The following SYNE1 variants were observed in gnomAD, a reference collection of about 807,000 sequenced individuals.
The protein encoded by SYNE1 is nesprin-1.
SYNE1 carries 616 observed loss-of-function variants against 1,111.0 expected under a neutral mutation model. The ratio of observed to expected loss-of-function variants is 0.55; its 90% CI spans 0.52 to 0.59. The LOEUF is 0.59. Among genes scored for constraint, SYNE1 ranks in the 20% least tolerant of loss-of-function variants. The pLI, the probability that SYNE1 is intolerant of heterozygous loss-of-function variation, is 0.00. For missense variants in SYNE1, 10,006 were observed against 10,417.0 expected (o/e 0.96, Z 1.72); for synonymous variants, 3,855 against 3,825.8 (o/e 1.01, Z -0.28).
intron 93 of SYNE1, among the ~76,000 whole-genome samples, chr6:152,298,990 G>C (rs1048910523): frequency 6.6e-6 from 1 of 152,194 alleles, no homozygotes; most frequent in African/African-American, 2.4e-5. Context: ...GTGACTAGGG[G>C]AGAGGGGAAG....
chr6:152,457,893 A>G (rs1165462627), intron 22 of SYNE1, among the ~76,000 whole-genome samples: 1 of 151,346 alleles, frequency 6.6e-6, no homozygotes, highest in Non-Finnish European at 1.5e-5. Flanking sequence ...AAGAAAGTCA[A>G]TATAAGAAGG....
At chr6:152,547,549 T>C (rs1202949347) in intron 3 of SYNE1, among the ~76,000 whole-genome samples, 1 of 152,190 alleles carries the variant, frequency 6.6e-6, no homozygotes, top group Non-Finnish European at 1.5e-5. Flanking sequence ...AGAAATGAGC[T>C]GTTTCATTTG....
chr6:152,153,277 G>A (rs1236997376), intron 133 of SYNE1, among the ~76,000 whole-genome samples: 1 of 152,166 alleles, frequency 6.6e-6, no homozygotes, highest in Non-Finnish European at 1.5e-5. Flanking sequence ...CTCTGGCCAT[G>A]ACTGGAAGTC....
Position 152,122,229 on chromosome 6 carries a change from C to T in SYNE1, c.*207G>A, listed in dbSNP as rs1053727948. The T allele has an allele frequency of 1.3e-6, 1 of 753,118 alleles. No homozygotes were observed. Among genetic ancestry groups the T allele is most frequent in the Non-Finnish European group, 2.1e-6 (1 of 466,948 alleles). The allele number at this position is 753,118 out of a possible 1,614,324, so 46.7% of individuals were successfully genotyped here. ...AGTCTCAAACCAGATTTCTTCCAAA[C>T]CTTCTTGTTGTCTGTTTGTTCCCCC... On this transcript the variant is annotated 3_prime_UTR_variant, in exon 146 of 146. Transcript: ENST00000367255.
Position 152,459,495 on chromosome 6 carries a change from G to A in SYNE1, c.2395-565C>T, listed in dbSNP as rs192651362. On this transcript the variant is annotated intron_variant, in intron 21 of 145. Transcript: ENST00000367255. ...CTGCTTATCAACATCCTACTCATCC[G>A]AAGCACTAAAGTCACACCAATTTAT... Among the ~76,000 whole-genome samples the A allele has an allele frequency of 1.3e-3, 198 of 152,258 alleles. 1 individual carries two copies. The highest frequency in any genetic ancestry group is 4.3e-3 in the African/African-American group (177 of 41,548).
chr6:152,131,554 T>G (rs1386741628), intron 144 of SYNE1, among the ~76,000 whole-genome samples: 1 of 152,146 alleles, frequency 6.6e-6, no homozygotes, highest in Non-Finnish European at 1.5e-5. Context: ...AATTTGTCCT[T>G]TCATCCTCTT....
chr6:152,283,051 G>T (rs1009094422), intron 96 of SYNE1, among the ~76,000 whole-genome samples: 3 of 152,082 alleles, frequency 2.0e-5, no homozygotes, highest in Non-Finnish European at 4.4e-5. Flanking sequence ...TACTGTAAAG[G>T]TCTTTAGGGA....
chr6:152,212,132 A>G (rs1319076918), intron 123 of SYNE1, among the ~76,000 whole-genome samples: 1 of 152,158 alleles, frequency 6.6e-6, no homozygotes, highest in African/African-American at 2.4e-5. Context: ...TTGAGTAACA[A>G]TTCACATACC....
intron 6 of SYNE1, chr6:152,511,586 C>G: frequency 3.7e-6 from 6 of 1,612,414 alleles, no homozygotes; most frequent in Non-Finnish European, 5.1e-6. Flanking sequence ...ATCCTCTGTG[C>G]ATGGACTGAC....
intron 118 of SYNE1, 78 bp from the exon 119 acceptor site, chr6:152,221,124 G>T: frequency 7.0e-7 from 1 of 1,429,232 alleles, no homozygotes. Context: ...TATTTTTCAT[G>T]ATCCTGGTTC....
At chr6:152,295,610 T>TGTCAG (rs2094833523) in intron 93 of SYNE1, among the ~76,000 whole-genome samples, 1 of 150,396 alleles carries the variant, frequency 6.6e-6, no homozygotes, top group Admixed American at 6.6e-5. Context: ...TGTGTGTGTG[T>TGTCAG]TACTGACACA....
intron 135 of SYNE1, among the ~76,000 whole-genome samples, chr6:152,150,180 A>G (rs1168363743): frequency 2.6e-5 from 4 of 152,216 alleles, no homozygotes; most frequent in African/African-American, 7.2e-5. Context: ...TAGGCAGGTA[A>G]AGTTATGATT....
chr6:152,294,270 CT>C (rs1330492869), intron 93 of SYNE1, 143 bp from the exon 94 acceptor site: 1 of 808,610 alleles, frequency 1.2e-6, no homozygotes, highest in East Asian at 2.7e-5. Flanking sequence ...TTAGTAAACT[CT>C]TGTGACAAGA....
intron 8 of SYNE1, among the ~76,000 whole-genome samples, chr6:152,505,645 A>G (rs1282116934): frequency 6.6e-6 from 1 of 152,210 alleles, no homozygotes; most frequent in East Asian, 1.9e-4. Context: ...GTTAAGTTAA[A>G]GCGTATTTTT....
At chr6:152,531,878 A>G (rs1256522448) in intron 4 of SYNE1, among the ~76,000 whole-genome samples, 2 of 152,156 alleles carry the variant, frequency 1.3e-5, no homozygotes, top group Admixed American at 1.3e-4. Context: ...GATATACCAC[A>G]TATTTTGCAT....
In SYNE1 at chr6:152,221,065, A is replaced by G. The variant is rs993085792; in HGVS notation, c.21657-19T>C. The G allele has an allele frequency of 3.1e-6, 5 of 1,613,138 alleles. No homozygotes were observed. The African/African-American group carries it at 6.7e-5, about 22-fold the overall frequency. On this transcript the variant is annotated intron_variant, in intron 118 of 145. Coordinates refer to ENST00000367255, the MANE Select transcript of SYNE1 (RefSeq NM_182961.4). ...ATTCCATCTGGAAATAATAACCAACACTCATGAGCAGATTACCACCTCTCA... is the reference window on the plus strand; with the variant it reads ...ATTCCATCTGGAAATAATAACCAACGCTCATGAGCAGATTACCACCTCTCA...
Position 152,154,962 on chromosome 6 carries a change from C to A in SYNE1, c.24059G>T (p.Arg8020Met), listed in dbSNP as rs1220544047. 15 of 1,614,218 alleles carry A rather than the reference C, an allele frequency of 9.3e-6. No individual in the cohort carries two copies. Among genetic ancestry groups the A allele is most frequent in the Non-Finnish European group, 1.3e-5 (15 of 1,180,040 alleles). Residue 8020 changes from arginine (R) to methionine (M), a missense_variant, in exon 133 of 146, where the codon AGG becomes ATG. Arg to Met is a moderately conservative substitution (Grantham distance 91, BLOSUM62 -1). Transcript: ENST00000367255. ...AGAAGAGCTGGGAAAAGCAGCTGTC[C>A]TTTCTGAAGACTTCAGCCAATCTTC... ...RFEDWLKSSE[R>M]TAAFPSSSGV...
chr6:152,496,828 A>T (rs2099002005), intron 11 of SYNE1, among the ~76,000 whole-genome samples: 1 of 152,192 alleles, frequency 6.6e-6, no homozygotes, highest in Admixed American at 6.5e-5. Context: ...AAAGAAGTGA[A>T]AATGGCTGGT....
At chr6:152,380,729 ATTACAGACTC>A (rs2097397412) in intron 56 of SYNE1, 13 of 440,298 alleles carry the variant, frequency 3.0e-5, no homozygotes, top group South Asian at 2.8e-4. Context: ...TGAATACAGT[ATTACAGACTC>A]TTACACCATA....
Sources: gnomAD v4.1 joint callset for allele counts (sites outside exome capture counted in the v4.1 genomes callset) on GRCh38, gnomAD v4.1.1 for gene constraint, MANE v1.5 for transcripts, NCBI Gene and HGNC (gene_info 2026-07-23, HGNC 2026-07-21) for gene names.